Variants in BRME1 observed in about 807,000 individuals in gnomAD.
BRME1 encodes the protein break repair meiotic recombinase recruitment factor 1.
BRME1 carries 31 observed loss-of-function variants against 52.6 expected under a neutral mutation model. That is an observed-to-expected ratio of 0.59 (90% confidence interval 0.44 to 0.80). BRME1 has a LOEUF of 0.80. Ranked by LOEUF, BRME1 falls within the 30% of genes least tolerant of loss-of-function variation. BRME1 has a pLI of 0.00. For missense variants in BRME1, 804 were observed against 860.3 expected (o/e 0.93, Z 0.82); for synonymous variants, 359 against 353.6 (o/e 1.02, Z -0.17).
At chr19:13,896,160 C>T (rs756308668) in intron 2 of BRME1, among the ~76,000 whole-genome samples, 2 of 151,988 alleles carry the variant, frequency 1.3e-5, no homozygotes, top group Non-Finnish European at 2.9e-5. Context: ...GTCCCAGCTA[C>T]TTGGGAGGCT....
Position 13,883,450 on chromosome 19 carries a change from C to T in BRME1, c.1764-50G>A. ...GAGTGGCCCGACCTCACTGGACTACCAGAGCTCTCCAGTGGGAGGGGCTTC... is the reference window on the plus strand; with the variant it reads ...GAGTGGCCCGACCTCACTGGACTACTAGAGCTCTCCAGTGGGAGGGGCTTC... On this transcript the variant is annotated intron_variant, in intron 7 of 8. Coordinates refer to ENST00000586783, the MANE Select transcript of BRME1 (RefSeq NM_001345843.2). The surrounding 1 kb of genome is among the most constrained non-coding windows in gnomAD (Gnocchi z 4.2). The T allele has an allele frequency of 1.5e-6, 2 of 1,348,632 alleles. No individual in the cohort carries two copies. The highest frequency in any genetic ancestry group is 2.0e-6 in the Non-Finnish European group (2 of 978,200). 83.5% of individuals were successfully genotyped at this position (1,348,632 alleles called of 1,614,324 possible).
chr19:13,903,135 G>A (rs1368649719), intron 2 of BRME1, among the ~76,000 whole-genome samples: 1 of 152,110 alleles, frequency 6.6e-6, no homozygotes. Flanking sequence ...TTTCTTAAAA[G>A]TCTGGAAGAA....
intron 2 of BRME1, among the ~76,000 whole-genome samples, chr19:13,900,727 C>T (rs1012373219): frequency 1.3e-5 from 2 of 151,982 alleles, no homozygotes; most frequent in Non-Finnish European, 1.5e-5. Context: ...CACTCTGTCG[C>T]CCAGGCTGGA....
In BRME1 at chr19:13,889,597, G is replaced by C. The variant is rs1182386437; in HGVS notation, c.1259C>G (p.Ala420Gly). 1 of 1,611,406 alleles carries C rather than the reference G, an allele frequency of 6.2e-7. No individual in the cohort carries two copies. Among genetic ancestry groups the C allele is most frequent in the South Asian group, 1.1e-5 (1 of 90,968 alleles). ...DVLVGPTASL[A>G]LAPGSGESMM... ...GGACTCTCCGCTCCCAGGTGCCAGAGCCAGGGAGGCTGTAGGGCCCACTAG... is the reference window on the plus strand; with the variant it reads ...GGACTCTCCGCTCCCAGGTGCCAGACCCAGGGAGGCTGTAGGGCCCACTAG... The change falls in exon 6 of 9, where the codon GCT (alanine) becomes GGT (glycine). Residue 420 changes from alanine to glycine, a missense_variant. Around this residue, in one of 3 missense-constraint regions of BRME1, gnomAD observed 552 missense variants for 561.1 expected, o/e 0.98. Coordinates refer to ENST00000586783, the MANE Select transcript of BRME1 (RefSeq NM_001345843.2).
intron 2 of BRME1, among the ~76,000 whole-genome samples, chr19:13,895,788 A>C (rs1019076882): frequency 6.6e-6 from 1 of 152,220 alleles, no homozygotes; most frequent in Non-Finnish European, 1.5e-5. Flanking sequence ...ATTATGTACC[A>C]TTCTAATGTG....
intron 6 of BRME1, among the ~76,000 whole-genome samples, chr19:13,887,279 C>T (rs186511610): frequency 6.6e-6 from 1 of 152,362 alleles, no homozygotes; most frequent in African/African-American, 2.4e-5. Flanking sequence ...AACCTTCCCA[C>T]GGGAATGTGT....
At position 13,903,686 on chromosome 19, in the gene BRME1, AAT is replaced by A. The variant is rs1424946968; in HGVS notation, c.31+1174_31+1175del. On this transcript the variant is annotated intron_variant, in intron 2 of 8. Coordinates refer to ENST00000586783, the MANE Select transcript of BRME1 (RefSeq NM_001345843.2). The stretch of plus-strand genomic sequence containing the variant: ...AGACTTGGTCTCCAAAAAAAAAAAA[AAT>A]AAAGTCTCCAAACATTGCCAGCTGT... Among the ~76,000 whole-genome samples, 12 of 151,840 alleles carry A rather than the reference AAT, an allele frequency of 7.9e-5. 1 individual carries two copies. Among genetic ancestry groups the A allele is most frequent in the African/African-American group, 2.7e-4 (11 of 41,338 alleles).
intron 3 of BRME1, among the ~76,000 whole-genome samples, chr19:13,895,161 T>C (rs1969788535): frequency 6.6e-6 from 1 of 152,002 alleles, no homozygotes; most frequent in African/African-American, 2.4e-5. Context: ...TTACAGGCAT[T>C]AGCCACCATG....
At position 13,901,697 on chromosome 19, in the gene BRME1, CAAAAAAA is replaced by C. The variant is rs1198719083; in HGVS notation, c.31+3158_31+3164del. Among the ~76,000 whole-genome samples the C allele has an allele frequency of 8.5e-5, 7 of 82,666 alleles. No homozygotes were observed. In the South Asian group the frequency reaches 2.5e-3, roughly 29 times the overall value. 54.2% of individuals were successfully genotyped at this position (82,666 alleles called of 152,430 possible). On this transcript the variant is annotated intron_variant, in intron 2 of 8. Transcript: ENST00000586783. Reference sequence around the variant, plus strand: ...CTGGGTGACAGAGTGAGACTGTCTCCAAAAAAAAAAAAAAGAAAAAAGCTCAACACTG... The same window carrying C: ...CTGGGTGACAGAGTGAGACTGTCTCCAAAAAAAGAAAAAAGCTCAACACTG...
chr19:13,894,460 G>A (rs1349987335), intron 3 of BRME1, among the ~76,000 whole-genome samples: 5 of 152,188 alleles, frequency 3.3e-5, no homozygotes, highest in Non-Finnish European at 1.5e-5. Flanking sequence ...GGGAGGTGGA[G>A]GTTGCAGTGA....
rs375952180 is a variant in BRME1 at position 13,892,858 on chromosome 19, T to C, written c.321A>G (p.Ala107=). 2.5e-6 allele frequency: 4 copies of C among 1,614,068 alleles called. No individual in the cohort carries two copies. The African/African-American group carries it at 5.3e-5, about 22-fold the overall frequency. ...TTCTTGTCACTGTCTTCCTGGATTT[T>C]GCAAACTGGGGAACAAACCTCCCGA... is the stretch of plus-strand genomic sequence containing the variant. ...NSFGRFVPQF[A]KSRKTVTRKE... Residue 107 remains alanine, a synonymous_variant, in exon 5 of 9, where the codon GCA becomes GCG. Transcript: ENST00000586783.
Position 13,900,964 on chromosome 19 carries a change from C to T in BRME1, c.31+3898G>A, listed in dbSNP as rs571151219. Among the ~76,000 whole-genome samples, 48 of 151,830 alleles carry T rather than the reference C, an allele frequency of 3.2e-4. No individual in the cohort carries two copies. In the East Asian group the frequency reaches 8.9e-3, roughly 28 times the overall value. ...TGCTCAGATTACAGGCATGAGCCAT[C>T]GTGCCCAACAATCTTTCTTTTTTTC... On this transcript the variant is annotated intron_variant, in intron 2 of 8. Coordinates refer to ENST00000586783, the MANE Select transcript of BRME1 (RefSeq NM_001345843.2).
rs569314457 is a variant in BRME1, at chr19:13,884,764, G to A, written c.1763+1197C>T. ...AGTGGGGGCCACCCGCCCTAAACCC[G>A]CCCATGCCCCAGGCTTCGCAGCACC... is the stretch of plus-strand genomic sequence containing the variant. On this transcript the variant is annotated intron_variant, in intron 7 of 8. Coordinates refer to ENST00000586783, the MANE Select transcript of BRME1 (RefSeq NM_001345843.2). Among the ~76,000 whole-genome samples the A allele has an allele frequency of 4.4e-3, 622 of 142,230 alleles. 3 individuals are homozygous for A. The highest frequency in any genetic ancestry group is 0.015 in the African/African-American group (594 of 39,904). The allele number at this position is 142,230 out of a possible 152,430, so 93.3% of individuals were successfully genotyped here.
Position 13,890,373 on chromosome 19 carries a change from C to G in BRME1, c.483G>C (p.Leu161=), listed in dbSNP as rs1457678628. Residue 161 remains leucine (L), a synonymous_variant, in exon 6 of 9, where the codon CTG becomes CTC. Transcript: ENST00000586783. ...CACTGTCTGCCTGCGTTGGGTCCCC[C>G]AGCTCCGTGGCCTCCTGGAGGGGGA... ...LGVPLQEATE[L]GDPTQADSAR... is the part of the protein sequence containing the mutation. The G allele has an allele frequency of 1.3e-6, 2 of 1,553,636 alleles. No individual in the cohort carries two copies. The highest frequency in any genetic ancestry group is 1.7e-6 in the Non-Finnish European group (2 of 1,154,296).
chr19:13,886,259 C>T (rs926585644), intron 6 of BRME1, among the ~76,000 whole-genome samples: 5 of 152,288 alleles, frequency 3.3e-5, no homozygotes, highest in South Asian at 2.1e-4. Context: ...GCCTGGGCTG[C>T]GCCCGTCCTT....
chr19:13,889,233 T>C lies in BRME1; in HGVS notation c.1623A>G (p.Ile541Met). The C allele has an allele frequency of 6.2e-7, 1 of 1,612,512 alleles. No homozygotes were observed. Among genetic ancestry groups the C allele is most frequent in the East Asian group, 2.2e-5 (1 of 44,860 alleles). ...AGTCAGAGGCGTCCAGGGCATCCTG[T>C]ATCTGGCTGTCCAGCAGGAAGTCGA... ...VELDFLLDSQ[I>M]QDALDASDFE... The change falls in exon 6 of 9, where the codon ATA becomes ATG. Residue 541 changes from isoleucine (I) to methionine (M), a missense_variant. Ile to Met is a conservative substitution (Grantham distance 10). This residue lies in a region of BRME1 where 552 missense variants were observed against 561.1 expected (regional missense o/e 0.98). Transcript: ENST00000586783.
At chr19:13,894,101 T>A (rs1037947660) in intron 3 of BRME1, among the ~76,000 whole-genome samples, 1 of 152,212 alleles carries the variant, frequency 6.6e-6, no homozygotes, top group Non-Finnish European at 1.5e-5. Context: ...AATTGCCTTC[T>A]GAACTGGGAA....
rs770744478 is a variant in BRME1, at chr19:13,883,790, C to T, written c.1764-390G>A. ...TCATCCCCCGCTTCTCCCCTCCCCT[C>T]GGCTCTAGCCACACTAGACTCCTGG... On this transcript the variant is annotated intron_variant, in intron 7 of 8. Transcript: ENST00000586783. The surrounding 1 kb of genome is among the most constrained non-coding windows in gnomAD (Gnocchi z 4.2). Among the ~76,000 whole-genome samples the T allele has an allele frequency of 6.6e-6, 1 of 151,806 alleles. No individual in the cohort carries two copies. Among genetic ancestry groups the T allele is most frequent in the African/African-American group, 2.4e-5 (1 of 41,278 alleles).
At position 13,888,603 on chromosome 19, in the gene BRME1, G is replaced by A. The variant is rs1413187341; in HGVS notation, c.1668+585C>T. Among the ~76,000 whole-genome samples the A allele has an allele frequency of 1.3e-5, 2 of 152,366 alleles. No individual in the cohort carries two copies. The highest frequency in any genetic ancestry group is 4.8e-5 in the African/African-American group (2 of 41,586). ...TCTGGAGCCAGAGGAGGCCACATCC[G>A]GGCAGCCGGTGGGGCGGGCAGATCC... is the stretch of plus-strand genomic sequence containing the variant. On this transcript the variant is annotated intron_variant, in intron 6 of 8. Transcript: ENST00000586783. The surrounding 1 kb of genome is among the most constrained non-coding windows in gnomAD (Gnocchi z 4.1).
Sources: allele counts gnomAD v4.1 joint callset (sites outside exome capture counted in the v4.1 genomes callset), GRCh38; gene constraint gnomAD v4.1.1; regional missense constraint gnomAD v4.1.1; non-coding constraint Gnocchi (gnomAD v3.1); transcripts MANE v1.5; gene names NCBI Gene and HGNC (gene_info 2026-07-23, HGNC 2026-07-21).